TENM4: variants seen among roughly 807,000 people sequenced by gnomAD.
The protein encoded by TENM4 is teneurin-4.
Under a neutral mutation model 243.3 loss-of-function variants are expected in TENM4, and 82 were observed. The observed-to-expected ratio is 0.34, with a 90% CI of 0.28 to 0.40. The LOEUF (loss-of-function observed/expected upper bound fraction) is 0.40. Among genes scored for constraint, TENM4 ranks in the 10% least tolerant of loss-of-function variants. The probability of loss-of-function intolerance (pLI) is 1.00; values close to 1 mark genes in which losing one functional copy is unlikely to be tolerated. For missense variants in TENM4, 3,138 were observed against 3,673.3 expected (o/e 0.85, Z 3.77); for synonymous variants, 1,412 against 1,456.3 (o/e 0.97, Z 0.69).
At chr11:78,913,747 G>A (rs905620328) in intron 6 of TENM4, among the ~76,000 whole-genome samples, 1 of 152,068 alleles carries the variant, frequency 6.6e-6, no homozygotes, top group Non-Finnish European at 1.5e-5. Context: ...AAACAGGGAC[G>A]GCCATGCTGT....
chr11:78,735,839 C>T (rs1461928267), intron 20 of TENM4, among the ~76,000 whole-genome samples: 1 of 34,778 alleles, frequency 2.9e-5, no homozygotes, highest in Non-Finnish European at 2.0e-4. Flanking sequence ...TTGGCTCCCA[C>T]CCCTCCCCTC....
chr11:79,235,107 A>G (rs749258064), intron 2 of TENM4, among the ~76,000 whole-genome samples: 9 of 151,970 alleles, frequency 5.9e-5, no homozygotes, highest in Non-Finnish European at 1.0e-4. Flanking sequence ...AGGTCAGGAG[A>G]TAGAGACCAT....
chr11:79,416,646 AC>A (rs991961436), intron 1 of TENM4, among the ~76,000 whole-genome samples: 2 of 152,128 alleles, frequency 1.3e-5, no homozygotes, highest in African/African-American at 4.8e-5. Context: ...CCTCATAACA[AC>A]CTAACGAGAT....
intron 3 of TENM4, among the ~76,000 whole-genome samples, chr11:79,208,543 C>T (rs755957027): frequency 6.6e-6 from 1 of 152,166 alleles, no homozygotes; most frequent in Non-Finnish European, 1.5e-5. Flanking sequence ...TATTTTCAAC[C>T]CAGTGGGAAG....
rs116539627 is a variant in TENM4 at position 79,065,592 on chromosome 11, G to A, written c.224-585C>T. ...CTAAATGTCTCCCTTGGGGCCAGAAGTTCCTTTCTGGCCAGGTCAAGAAAG... is the reference window on the plus strand; with the variant it reads ...CTAAATGTCTCCCTTGGGGCCAGAAATTCCTTTCTGGCCAGGTCAAGAAAG... On this transcript the variant is annotated intron_variant, in intron 5 of 33. Transcript: ENST00000278550. Among the ~76,000 whole-genome samples, 732 of 152,342 alleles carry A rather than the reference G, an allele frequency of 4.8e-3. 5 individuals are homozygous for A. The highest frequency in any genetic ancestry group is 0.017 in the African/African-American group (687 of 41,572).
chr11:79,339,787 A>G (rs1325983989), intron 1 of TENM4, among the ~76,000 whole-genome samples: 1 of 152,176 alleles, frequency 6.6e-6, no homozygotes, highest in Non-Finnish European at 1.5e-5. Context: ...GGAGAGGGAA[A>G]GAGAGGAGGA....
At position 79,189,825 on chromosome 11, in the gene TENM4, T is replaced by C. The variant is rs138151794; in HGVS notation, c.-163+25983A>G. ...AACATCAGAAGTTGCCCAGTCCTGC[T>C]GGTTTTGCCAACTCAGACTTGCCTG... On this transcript the variant is annotated intron_variant, in intron 3 of 33. Coordinates refer to ENST00000278550, the MANE Select transcript of TENM4 (RefSeq NM_001098816.3). Among the ~76,000 whole-genome samples, 658 of 152,364 alleles carry C rather than the reference T, an allele frequency of 4.3e-3. 2 individuals are homozygous for C. Among genetic ancestry groups the C allele is most frequent in the Middle Eastern group, 0.02 (6 of 294 alleles).
intron 7 of TENM4, among the ~76,000 whole-genome samples, chr11:78,896,646 C>T (rs1855805138): frequency 6.6e-6 from 1 of 152,118 alleles, no homozygotes; most frequent in Non-Finnish European, 1.5e-5. Context: ...TCTCCTGGCT[C>T]TGTGCCTATC....
At chr11:78,812,547 C>A (rs1186567368) in intron 13 of TENM4, among the ~76,000 whole-genome samples, 1 of 152,188 alleles carries the variant, frequency 6.6e-6, no homozygotes, top group Non-Finnish European at 1.5e-5. Flanking sequence ...GGGTAGGTAT[C>A]CACTTAACCC....
At chr11:78,920,930 G>A (rs756115016) in intron 6 of TENM4, among the ~76,000 whole-genome samples, 4 of 152,104 alleles carry the variant, frequency 2.6e-5, no homozygotes, top group African/African-American at 7.2e-5. Flanking sequence ...CCTGTGTGCC[G>A]GGCTCTGTGC....
chr11:78,812,699 T>C (rs765589295), intron 13 of TENM4, among the ~76,000 whole-genome samples: 11 of 152,040 alleles, frequency 7.2e-5, no homozygotes, highest in Non-Finnish European at 1.5e-4. Context: ...CGCTCTCCTC[T>C]AATAACACTC....
intron 1 of TENM4, among the ~76,000 whole-genome samples, chr11:79,404,898 T>C (rs899422202): frequency 6.6e-6 from 1 of 152,066 alleles, no homozygotes; most frequent in Admixed American, 6.5e-5. Flanking sequence ...GACAAAATAG[T>C]AGACAAAGAG....
intron 3 of TENM4, among the ~76,000 whole-genome samples, chr11:79,209,796 G>T (rs1208725778): frequency 6.6e-6 from 1 of 152,224 alleles, no homozygotes; most frequent in Non-Finnish European, 1.5e-5. Flanking sequence ...TTCTCCCTGT[G>T]TGGGGAAAGT....
intron 12 of TENM4, among the ~76,000 whole-genome samples, chr11:78,815,113 G>A (rs867710763): frequency 4.6e-5 from 7 of 152,206 alleles, no homozygotes; most frequent in African/African-American, 9.6e-5. Context: ...CTGGCTGGGC[G>A]TGGTGGCTCA....
intron 6 of TENM4, among the ~76,000 whole-genome samples, chr11:79,059,025 T>C (rs574372163): frequency 9.6e-4 from 146 of 152,290 alleles, no homozygotes; most frequent in African/African-American, 3.4e-3. Flanking sequence ...ATGGAGTTAA[T>C]TGGTAATGAG....
intron 12 of TENM4, among the ~76,000 whole-genome samples, chr11:78,834,147 C>T (rs1858043933): frequency 1.3e-5 from 2 of 152,216 alleles, no homozygotes; most frequent in Admixed American, 1.3e-4. Flanking sequence ...CACACCTCCC[C>T]TTCCATTTAT....
chr11:78,719,928 G>A (rs932591990), intron 25 of TENM4, among the ~76,000 whole-genome samples: 1 of 152,186 alleles, frequency 6.6e-6, no homozygotes, highest in African/African-American at 2.4e-5. Flanking sequence ...TCCCCAAGCT[G>A]AGGCACCTTG....
rs114088003 is a variant in TENM4 at position 78,693,038 on chromosome 11, C to T, written c.5088-4812G>A. ...AGCTCCATGAGGACAGAGACCTTGT[C>T]TGTATTCTTAGTGCCCAGAGGAGTA... On this transcript the variant is annotated intron_variant, in intron 28 of 33. Coordinates refer to ENST00000278550, the MANE Select transcript of TENM4 (RefSeq NM_001098816.3). Among the ~76,000 whole-genome samples the T allele has an allele frequency of 5.9e-3, 894 of 152,302 alleles. 6 individuals carry two copies. The highest frequency in any genetic ancestry group is 0.02 in the African/African-American group (831 of 41,548).
chr11:78,828,488 G>A (rs1406691624), intron 12 of TENM4, among the ~76,000 whole-genome samples: 1 of 152,202 alleles, frequency 6.6e-6, no homozygotes, highest in African/African-American at 2.4e-5. Flanking sequence ...AGGCTGCGGT[G>A]GATTTTTCTT....
Sources: gnomAD v4.1 joint callset for allele counts (sites outside exome capture counted in the v4.1 genomes callset) on GRCh38, gnomAD v4.1.1 for gene constraint, MANE v1.5 for transcripts, NCBI Gene and HGNC (gene_info 2026-07-23, HGNC 2026-07-21) for gene names.